The following SPMIP2 variants were observed in gnomAD, a reference collection of about 807,000 sequenced individuals.
SPMIP2 encodes protein SPMIP2.
At chr4:158,964,155 AAC>A in the SPMIP2 span, among the ~76,000 whole-genome samples, 1 of 60,628 alleles carries the variant, frequency 1.6e-5, no homozygotes, top group East Asian at 4.0e-4. Context: ...ACTATCTCAA[AAC>A]AAAACAAAAC....
chr4:159,040,596 GC>G, the SPMIP2 span, among the ~76,000 whole-genome samples: 4 of 152,016 alleles, frequency 2.6e-5, no homozygotes, highest in African/African-American at 7.3e-5. Flanking sequence ...CTCCCAAGTA[GC>G]TGAGATTAGA....
chr4:159,031,401 G>A, the SPMIP2 span, among the ~76,000 whole-genome samples: 1 of 152,204 alleles, frequency 6.6e-6, no homozygotes, highest in South Asian at 2.1e-4. Context: ...CGGAACGTTG[G>A]ACATTTCTGC....
the SPMIP2 span, among the ~76,000 whole-genome samples, chr4:158,948,939 CTCT>C: frequency 2.0e-5 from 3 of 152,054 alleles, no homozygotes; most frequent in African/African-American, 7.2e-5. Context: ...ATTTATTATT[CTCT>C]TCTGATAAAT....
chr4:158,962,357 T>G, the SPMIP2 span, among the ~76,000 whole-genome samples: 2 of 152,162 alleles, frequency 1.3e-5, no homozygotes, highest in African/African-American at 4.8e-5. Context: ...TATATCCAAT[T>G]TTTACTTTTC....
the SPMIP2 span, among the ~76,000 whole-genome samples, chr4:159,036,439 G>A: frequency 2.0e-5 from 3 of 152,148 alleles, no homozygotes; most frequent in East Asian, 5.8e-4. Flanking sequence ...TACTGAATGA[G>A]GTAGAGGTAT....
At chr4:158,997,010 C>G in the SPMIP2 span, among the ~76,000 whole-genome samples, 1 of 152,066 alleles carries the variant, frequency 6.6e-6, no homozygotes, top group Non-Finnish European at 1.5e-5. Context: ...AGTGTGCTGG[C>G]CTCTGGGTAG....
At chr4:159,003,280 C>T in the SPMIP2 span, among the ~76,000 whole-genome samples, 2 of 152,140 alleles carry the variant, frequency 1.3e-5, no homozygotes, top group East Asian at 3.9e-4. Context: ...CCAGCTGAAC[C>T]CTATTTCATA....
chr4:159,055,192 A>AAAAGCATGTATTG, the SPMIP2 span, among the ~76,000 whole-genome samples: 6 of 152,312 alleles, frequency 3.9e-5, no homozygotes, highest in East Asian at 1.2e-3. Flanking sequence ...CAGTGACAGG[A>AAAAGCATGTATTG]AAAGCATGTA....
the SPMIP2 span, among the ~76,000 whole-genome samples, chr4:158,918,128 A>G: frequency 6.6e-6 from 1 of 152,308 alleles, no homozygotes; most frequent in South Asian, 2.1e-4. Context: ...CTCATTCGTC[A>G]TTGGCTCCCC....
the SPMIP2 span, among the ~76,000 whole-genome samples, chr4:158,985,505 G>T: frequency 6.6e-6 from 1 of 151,694 alleles, no homozygotes; most frequent in Non-Finnish European, 1.5e-5. Flanking sequence ...GTGTAATCCA[G>T]CATATAAACA....
chr4:158,948,818 G>A, the SPMIP2 span, among the ~76,000 whole-genome samples: 1 of 151,864 alleles, frequency 6.6e-6, no homozygotes, highest in African/African-American at 2.4e-5. Context: ...TTCCCAGGCT[G>A]GTGTTGAACT....
At chr4:158,926,047 TGGTTGA>T in the SPMIP2 span, among the ~76,000 whole-genome samples, 1 of 152,222 alleles carries the variant, frequency 6.6e-6, no homozygotes, top group African/African-American at 2.4e-5. Flanking sequence ...CATCATCTTG[TGGTTGA>T]GGACTTTAAC....
At chr4:158,992,629 C>T in the SPMIP2 span, among the ~76,000 whole-genome samples, 92 of 152,142 alleles carry the variant, frequency 6.0e-4, 1 homozygote, top group Non-Finnish European at 9.3e-4. Context: ...AATTTGTTTT[C>T]ATACAGTTAT....
chr4:158,979,785 A>G, the SPMIP2 span, among the ~76,000 whole-genome samples: 1 of 125,074 alleles, frequency 8.0e-6, no homozygotes, highest in Admixed American at 9.5e-5. Flanking sequence ...AGCTAGTTGC[A>G]AGAGTTTTTT....
At chr4:158,946,103 T>C in the SPMIP2 span, among the ~76,000 whole-genome samples, 12 of 152,308 alleles carry the variant, frequency 7.9e-5, no homozygotes, top group Middle Eastern at 3.4e-3. Flanking sequence ...TTTAGATGTG[T>C]GTGAGATATT....
At chr4:159,079,459 C>T in the SPMIP2 span, among the ~76,000 whole-genome samples, 2 of 152,146 alleles carry the variant, frequency 1.3e-5, no homozygotes, top group East Asian at 1.9e-4. Flanking sequence ...TCCAGAACTG[C>T]GAGAAATAAA....
chr4:158,925,435 G>A, the SPMIP2 span, among the ~76,000 whole-genome samples: 11 of 151,880 alleles, frequency 7.2e-5, no homozygotes, highest in Non-Finnish European at 1.3e-4. Context: ...TTTCTTAGTC[G>A]GTATCTTAGT....
the SPMIP2 span, chr4:158,907,561 A>G: frequency 6.6e-6 from 1 of 152,210 alleles, no homozygotes; most frequent in Non-Finnish European, 1.5e-5. Flanking sequence ...GTTGTACATA[A>G]AAATAATAAA....
the SPMIP2 span, among the ~76,000 whole-genome samples, chr4:158,960,930 C>T: frequency 7.9e-6 from 1 of 126,258 alleles, no homozygotes; most frequent in South Asian, 2.8e-4. Context: ...TCTGTTATTA[C>T]TGAATGAATG....
Sources: gnomAD v4.1 joint callset for allele counts (sites outside exome capture counted in the v4.1 genomes callset) on GRCh38, gnomAD v4.1.1 for gene constraint, MANE v1.5 for transcripts, NCBI Gene and HGNC (gene_info 2026-07-23, HGNC 2026-07-21) for gene names.